The following SLC44A5 variants were observed in gnomAD, a reference collection of about 807,000 sequenced individuals.
The protein encoded by SLC44A5 is choline transporter-like protein 5.
Under a neutral mutation model 101.8 loss-of-function variants are expected in SLC44A5, and 57 were observed. That is an observed-to-expected ratio of 0.56 (90% confidence interval 0.45 to 0.70). SLC44A5 has a LOEUF of 0.70. Ranked by LOEUF, SLC44A5 falls within the 30% of genes least tolerant of loss-of-function variation. The probability of loss-of-function intolerance (pLI) is 0.00; values close to 1 mark genes in which losing one functional copy is unlikely to be tolerated. For missense variants in SLC44A5, 737 were observed against 853.1 expected, an observed-to-expected ratio of 0.86 and a Z score of 1.70; for synonymous variants, 281 against 290.9, an observed-to-expected ratio of 0.97 and a Z score of 0.35.
intron 5 of SLC44A5, among the ~76,000 whole-genome samples, chr1:75,289,632 C>T (rs933799784): frequency 3.3e-5 from 5 of 152,130 alleles, no homozygotes; most frequent in Non-Finnish European, 5.9e-5. Context: ...TAAAGAAACA[C>T]ATACATGAAA....
intron 3 of SLC44A5, among the ~76,000 whole-genome samples, chr1:75,369,149 G>A (rs764054665): frequency 2.3e-4 from 35 of 151,642 alleles, no homozygotes; most frequent in Non-Finnish European, 1.0e-4. Flanking sequence ...GAGTAGCTAT[G>A]ACTACTGGTG....
At chr1:75,468,589 T>C (rs1666944229) in intron 2 of SLC44A5, among the ~76,000 whole-genome samples, 1 of 152,196 alleles carries the variant, frequency 6.6e-6, no homozygotes. Flanking sequence ...ACATTCCATG[T>C]TCTCACTTAT....
At chr1:75,698,712 A>T in the SLC44A5 span, among the ~76,000 whole-genome samples, 1 of 152,168 alleles carries the variant, frequency 6.6e-6, no homozygotes, top group African/African-American at 2.4e-5. Flanking sequence ...TCCGAGCTAC[A>T]GGAGGACACT....
intron 3 of SLC44A5, among the ~76,000 whole-genome samples, chr1:75,388,232 A>AAATAAATAAATAAATC (rs1404071864): frequency 6.7e-6 from 1 of 148,534 alleles, no homozygotes; most frequent in Admixed American, 6.6e-5. Flanking sequence ...ATAAATAAAT[A>AAATAAATAAATAAATC]AATCCAAAAA....
chr1:75,678,352 A>C, the SLC44A5 span, among the ~76,000 whole-genome samples: 2 of 151,162 alleles, frequency 1.3e-5, no homozygotes, highest in Non-Finnish European at 1.5e-5. Context: ...CTGCAGACTT[A>C]AATGTCCCTG....
intron 2 of SLC44A5, among the ~76,000 whole-genome samples, chr1:75,446,346 T>C (rs945636198): frequency 6.6e-6 from 1 of 152,142 alleles, no homozygotes; most frequent in African/African-American, 2.4e-5. Context: ...TTACTGTTTC[T>C]AGCAGATGTC....
chr1:75,595,927 A>G (rs1674605796), intron 1 of SLC44A5, among the ~76,000 whole-genome samples: 1 of 152,190 alleles, frequency 6.6e-6, no homozygotes, highest in African/African-American at 2.4e-5. Context: ...TTAGCATCAC[A>G]TTCATTTGTA....
At chr1:75,599,230 G>C (rs17097049) in intron 1 of SLC44A5, among the ~76,000 whole-genome samples, 15,389 of 152,142 alleles carry the variant, frequency 0.1, 1,329 homozygotes, top group African/African-American at 0.24. Context: ...TGGGTATCTA[G>C]GAAGGGACAA....
intron 4 of SLC44A5, among the ~76,000 whole-genome samples, chr1:75,330,554 C>T (rs1447850967): frequency 6.6e-6 from 1 of 152,090 alleles, no homozygotes; most frequent in Non-Finnish European, 1.5e-5. Flanking sequence ...GTCTTTAGGA[C>T]TTTGTCTCCA....
At chr1:75,443,088 A>G (rs1665301300) in intron 2 of SLC44A5, among the ~76,000 whole-genome samples, 2 of 152,180 alleles carry the variant, frequency 1.3e-5, no homozygotes, top group African/African-American at 2.4e-5. Context: ...GGGAACATTA[A>G]GTTAATCATA....
intron 1 of SLC44A5, among the ~76,000 whole-genome samples, chr1:75,600,280 C>A (rs189070878): frequency 1.3e-5 from 2 of 151,976 alleles, no homozygotes; most frequent in Non-Finnish European, 2.9e-5. Flanking sequence ...AAAGTACAAC[C>A]ATGAAAATTA....
intron 7 of SLC44A5, among the ~76,000 whole-genome samples, chr1:75,249,788 C>A (rs1379511644): frequency 6.6e-6 from 1 of 152,086 alleles, no homozygotes; most frequent in Non-Finnish European, 1.5e-5. Flanking sequence ...TCTGGGTTCT[C>A]CTTTGGGAAG....
the SLC44A5 span, among the ~76,000 whole-genome samples, chr1:75,692,284 C>A: frequency 2.0e-5 from 3 of 150,016 alleles, no homozygotes; most frequent in Non-Finnish European, 4.4e-5. Context: ...ACCTCCACCT[C>A]CTGGGCTCAA....
intron 2 of SLC44A5, among the ~76,000 whole-genome samples, chr1:75,435,394 T>A (rs1357851014): frequency 6.6e-6 from 1 of 152,196 alleles, no homozygotes; most frequent in Non-Finnish European, 1.5e-5. Flanking sequence ...CATTAATCTT[T>A]TACATCAGCA....
intron 13 of SLC44A5, 91 bp from the exon 14 acceptor site, chr1:75,222,551 A>T: frequency 1.4e-6 from 1 of 724,066 alleles, no homozygotes; most frequent in Non-Finnish European, 2.4e-6. Context: ...CTTTATGATT[A>T]TTTCTGCCAA....
At chr1:75,681,716 C>T in the SLC44A5 span, among the ~76,000 whole-genome samples, 2 of 149,140 alleles carry the variant, frequency 1.3e-5, no homozygotes, top group African/African-American at 2.5e-5. Flanking sequence ...GATGCCCTCT[C>T]TCACCACTCC....
chr1:75,231,841 C>T (rs1255537467), intron 12 of SLC44A5, among the ~76,000 whole-genome samples: 1 of 152,082 alleles, frequency 6.6e-6, no homozygotes, highest in Non-Finnish European at 1.5e-5. Flanking sequence ...TCCTGTATAC[C>T]TCTTAACCTG....
intron 4 of SLC44A5, among the ~76,000 whole-genome samples, chr1:75,330,966 C>CTT (rs71071941): frequency 6.6e-5 from 9 of 136,088 alleles, no homozygotes; most frequent in East Asian, 4.6e-4. Context: ...AACTTTCTCT[C>CTT]TTTTTTTTTT....
intron 2 of SLC44A5, among the ~76,000 whole-genome samples, chr1:75,481,130 C>G (rs987353506): frequency 2.6e-5 from 4 of 152,072 alleles, no homozygotes; most frequent in Non-Finnish European, 4.4e-5. Flanking sequence ...CTTTGGCAAA[C>G]CTGAGAAAAA....
Sources: allele counts gnomAD v4.1 joint callset (sites outside exome capture counted in the v4.1 genomes callset), GRCh38; gene constraint gnomAD v4.1.1; transcripts MANE v1.5; gene names NCBI Gene and HGNC (gene_info 2026-07-23, HGNC 2026-07-21).